The following TVP23B variants were observed in gnomAD, a reference collection of about 807,000 sequenced individuals.
TVP23B encodes the protein trans-golgi network vesicle protein 23 homolog B.
TVP23B carries 10 observed loss-of-function variants against 30.6 expected under a neutral mutation model. That is an observed-to-expected ratio of 0.33 (90% CI 0.20 to 0.55). The LOEUF (loss-of-function observed/expected upper bound fraction) is 0.55, where lower values mean the gene tolerates loss of function less well. Ranked by LOEUF, TVP23B falls within the 20% of genes least tolerant of loss-of-function variation. The pLI is 0.91. For synonymous variants in TVP23B, 67 were observed against 83.1 expected (o/e 0.81, Z 1.06); for missense variants, 153 against 243.2 (o/e 0.63, Z 2.47).
chr17:18,803,003 C>T (rs560382312), intron 5 of TVP23B, among the ~76,000 whole-genome samples: 22 of 152,352 alleles, frequency 1.4e-4, no homozygotes, highest in Admixed American at 1.4e-3. Context: ...GTACCACCTC[C>T]TCTTCTTTTA....
chr17:18,783,075 C>CTATTTATTTATTTATTTATTTATT (rs201067902), intron 1 of TVP23B, among the ~76,000 whole-genome samples: 9 of 77,298 alleles, frequency 1.2e-4, no homozygotes, highest in Middle Eastern at 5.8e-3. Flanking sequence ...ACTGTTCCCA[C>CTATTTATTTATTTATTTATTTATT]TATTTATTTA....
Position 18,804,133 on chromosome 17 carries a change from C to A in TVP23B, c.463-5C>A. On this transcript the variant is annotated splice_polypyrimidine_tract_variant and splice_region_variant and intron_variant, in intron 5 of 6. Transcript: ENST00000307767. ...AACCATTGATTATTTTTTCCCTTGTCCCAGGCGGTGGTTATCATGGGTGTG... is the reference window on the plus strand; with the variant it reads ...AACCATTGATTATTTTTTCCCTTGTACCAGGCGGTGGTTATCATGGGTGTG... 6.2e-7 allele frequency: 1 copy of A among 1,613,170 alleles called. No homozygotes were observed. Among genetic ancestry groups the A allele is most frequent in the Non-Finnish European group, 8.5e-7 (1 of 1,179,584 alleles).
intron 1 of TVP23B, among the ~76,000 whole-genome samples, chr17:18,783,375 G>T (rs2151841816): frequency 6.6e-6 from 1 of 152,348 alleles, no homozygotes; most frequent in South Asian, 2.1e-4. Flanking sequence ...CAAAGTGCTA[G>T]GATTACAGGC....
At chr17:18,783,402 G>C (rs985519657) in intron 1 of TVP23B, among the ~76,000 whole-genome samples, 1 of 152,214 alleles carries the variant, frequency 6.6e-6, no homozygotes, top group Non-Finnish European at 1.5e-5. Flanking sequence ...CGCCAGGCCC[G>C]GCCGACGGTT....
intron 5 of TVP23B, among the ~76,000 whole-genome samples, chr17:18,801,111 C>T (rs1223388426): frequency 6.6e-6 from 1 of 152,206 alleles, no homozygotes; most frequent in Non-Finnish European, 1.5e-5. Context: ...ATTTTAAGTG[C>T]TCAGCTAAGG....
At chr17:18,790,477 AAAG>A (rs1220467140) in intron 2 of TVP23B, among the ~76,000 whole-genome samples, 12,985 of 135,576 alleles carry the variant, frequency 0.096, 903 homozygotes, top group Non-Finnish European at 0.13. Flanking sequence ...AAAAAAAAAA[AAAG>A]AAAAGAAAGA....
At chr17:18,796,879 G>C (rs1487879917) in intron 3 of TVP23B, 1 of 152,304 alleles carries the variant, frequency 6.6e-6, no homozygotes, top group Non-Finnish European at 1.5e-5. Context: ...ACTCCTCAGA[G>C]AGTCATTTTC....
chr17:18,793,919 C>T (rs1402555270), intron 3 of TVP23B, among the ~76,000 whole-genome samples: 2 of 152,156 alleles, frequency 1.3e-5, no homozygotes, highest in South Asian at 2.1e-4. Flanking sequence ...GCAAAGATAA[C>T]ATCAGATCAA....
At chr17:18,793,376 G>T (rs2036025932) in intron 3 of TVP23B, among the ~76,000 whole-genome samples, 1 of 151,034 alleles carries the variant, frequency 6.6e-6, no homozygotes, top group Admixed American at 6.6e-5. Context: ...GGGAGGCTGA[G>T]GCGGGTGGAT....
chr17:18,784,760 A>G (rs1399497343), intron 1 of TVP23B, among the ~76,000 whole-genome samples: 4 of 152,246 alleles, frequency 2.6e-5, no homozygotes, highest in African/African-American at 4.8e-5. Flanking sequence ...TTTGGTTTCC[A>G]GGACACTACC....
intron 3 of TVP23B, among the ~76,000 whole-genome samples, chr17:18,794,349 A>G (rs1463284663): frequency 3.3e-5 from 5 of 152,374 alleles, no homozygotes; most frequent in South Asian, 2.1e-4. Context: ...TTCTACTCCA[A>G]TGAAACAGAA....
chr17:18,804,174 A>G lies in TVP23B; in HGVS notation c.499A>G (p.Asn167Asp). The change falls in exon 6 of 7, where the codon AAC (asparagine) becomes GAC (aspartate). Residue 167 changes from asparagine to aspartate, a missense_variant. Coordinates refer to ENST00000307767, the MANE Select transcript of TVP23B (RefSeq NM_016078.6). ...CATGGGTGTGGTGCTACAAGGTGCC[A>G]ACCTGTATGGTTACATCAGGTGTAA... Reference protein sequence around the residue: ...VIMGVVLQGANLYGYIRCKVR... With the variant: ...VIMGVVLQGADLYGYIRCKVR... 1 of 1,613,642 alleles carries G rather than the reference A, an allele frequency of 6.2e-7. No individual in the cohort carries two copies. The highest frequency in any genetic ancestry group is 1.1e-5 in the South Asian group (1 of 90,996).
At chr17:18,796,149 A>G (rs545504682) in intron 3 of TVP23B, 2 of 151,878 alleles carry the variant, frequency 1.3e-5, no homozygotes, top group South Asian at 2.1e-4. Flanking sequence ...TGTGGTTTCT[A>G]TTGTGTCAGG....
intron 1 of TVP23B, among the ~76,000 whole-genome samples, chr17:18,786,898 ACT>A (rs2035914885): frequency 6.8e-6 from 1 of 147,972 alleles, no homozygotes; most frequent in Non-Finnish European, 1.5e-5. Context: ...CAGCTGACAA[ACT>A]CTCCTCCAGA....
chr17:18,805,690 T>G lies in TVP23B; in HGVS notation c.*123T>G. On this transcript the variant is annotated 3_prime_UTR_variant, in exon 7 of 7. Coordinates refer to ENST00000307767, the MANE Select transcript of TVP23B (RefSeq NM_016078.6). ...TGGCTTTGTTTTTCCACTTAAAAAC[T>G]TTATTTATAAAAAGGAAAAGTAGTT... The G allele has an allele frequency of 1.1e-6, 1 of 925,442 alleles. No individual in the cohort carries two copies. Among genetic ancestry groups the G allele is most frequent in the African/African-American group, 2.0e-5 (1 of 48,858 alleles). 57.3% of individuals were successfully genotyped at this position (925,442 alleles called of 1,614,324 possible). A position where few individuals can be genotyped will look rare whatever the true frequency, so the allele number is the denominator to read the frequency against.
chr17:18,799,661 A>G (rs1204441033), intron 5 of TVP23B, among the ~76,000 whole-genome samples: 1 of 152,164 alleles, frequency 6.6e-6, no homozygotes, highest in Non-Finnish European at 1.5e-5. Flanking sequence ...CTGTCTTTGG[A>G]AAATATAGTT....
intron 5 of TVP23B, among the ~76,000 whole-genome samples, chr17:18,802,086 G>A (rs1310781893): frequency 6.6e-6 from 1 of 152,066 alleles, no homozygotes; most frequent in African/African-American, 2.4e-5. Context: ...GCCGGGTGTG[G>A]TGGCAGGCAC....
At chr17:18,787,074 G>GCTAGACA (rs1430860124) in intron 1 of TVP23B, among the ~76,000 whole-genome samples, 1 of 150,644 alleles carries the variant, frequency 6.6e-6, no homozygotes, top group Non-Finnish European at 1.5e-5. Flanking sequence ...TGAATGCTCT[G>GCTAGACA]CTAGACACTA....
chr17:18,805,826 G>A lies in TVP23B; in HGVS notation c.*259G>A, dbSNP rs1338191888. On this transcript the variant is annotated 3_prime_UTR_variant, in exon 7 of 7. Coordinates refer to ENST00000307767, the MANE Select transcript of TVP23B (RefSeq NM_016078.6). ...TGGTGTAGGTATGCACATTCCATAG[G>A]TATGCACACGGCCATGTAATATCAG... 7.7e-7 allele frequency: 1 copy of A among 1,305,462 alleles called. No homozygotes were observed. The highest frequency in any genetic ancestry group is 9.7e-7 in the Non-Finnish European group (1 of 1,025,760). 80.9% of individuals were successfully genotyped at this position (1,305,462 alleles called of 1,614,324 possible).
Sources: gnomAD v4.1 joint callset for allele counts (sites outside exome capture counted in the v4.1 genomes callset) on GRCh38, gnomAD v4.1.1 for gene constraint, MANE v1.5 for transcripts, NCBI Gene and HGNC (gene_info 2026-07-23, HGNC 2026-07-21) for gene names.